EPSTI1: variants seen among roughly 807,000 people sequenced by gnomAD.
EPSTI1 encodes the protein epithelial stromal interaction 1.
In EPSTI1, 66 loss-of-function variants were observed where a neutral mutation model predicts 49.9. The ratio of observed to expected loss-of-function variants is 1.32; its 90% CI spans 1.08 to 1.62. The LOEUF (loss-of-function observed/expected upper bound fraction) is 1.62. EPSTI1 is among the 40% of genes most tolerant of loss of function. The pLI is 0.00. For missense variants in EPSTI1, 394 were observed against 365.5 expected (o/e 1.08, Z -0.64); for synonymous variants, 137 against 130.7 (o/e 1.05, Z -0.33).
intron 9 of EPSTI1, among the ~76,000 whole-genome samples, chr13:42,895,581 C>T (rs1275280918): frequency 6.6e-6 from 1 of 152,212 alleles, no homozygotes; most frequent in Non-Finnish European, 1.5e-5. Flanking sequence ...AAACCCCATA[C>T]ATGAAAAGCA....
At chr13:42,982,753 T>A (rs2040007699) in intron 1 of EPSTI1, among the ~76,000 whole-genome samples, 1 of 151,978 alleles carries the variant, frequency 6.6e-6, no homozygotes, top group East Asian at 1.9e-4. Context: ...GAGGAAAGCC[T>A]CTCTGACCTT....
chr13:42,895,157 T>C, intron 9 of EPSTI1, 49 bp from the exon 10 acceptor site: 1 of 1,432,348 alleles, frequency 7.0e-7, no homozygotes, highest in South Asian at 1.2e-5. Flanking sequence ...GCTGCAGGGC[T>C]GAGAGATTTC....
chr13:42,979,275 A>G (rs1282668311), intron 1 of EPSTI1, among the ~76,000 whole-genome samples: 2 of 152,202 alleles, frequency 1.3e-5, no homozygotes, highest in South Asian at 2.1e-4. Context: ...ATTTCCCCCA[A>G]TGTTTTAAGA....
chr13:42,905,330 A>G (rs2037469431), intron 8 of EPSTI1, among the ~76,000 whole-genome samples: 1 of 152,182 alleles, frequency 6.6e-6, no homozygotes, highest in Admixed American at 6.5e-5. Context: ...GCATCGCTGC[A>G]CTCAGGATTA....
chr13:42,897,228 C>G (rs2037218065), intron 9 of EPSTI1, among the ~76,000 whole-genome samples: 1 of 152,160 alleles, frequency 6.6e-6, no homozygotes, highest in African/African-American at 2.4e-5. Flanking sequence ...CCCCTAGTCT[C>G]TATGTGGCTG....
chr13:42,970,308 C>G (rs924173985), intron 2 of EPSTI1: 1 of 248,328 alleles, frequency 4.0e-6, no homozygotes, highest in Non-Finnish European at 7.6e-6. Flanking sequence ...AGCACAAAAA[C>G]GAGTAAGATG....
chr13:42,989,807 A>T lies in EPSTI1; in HGVS notation c.188+2171T>A, dbSNP rs1467791565. 2.0e-5 allele frequency among the ~76,000 whole-genome samples: 3 copies of T among 151,526 alleles called. No individual in the cohort carries two copies. The East Asian group carries it at 5.8e-4, about 29-fold the overall frequency. On this transcript the variant is annotated intron_variant, in intron 1 of 10. Coordinates refer to ENST00000313624, the MANE Select transcript of EPSTI1 (RefSeq NM_033255.5). ...ACGGGGTTTCACTGTGTTAGCCAGG[A>T]TGGTCTCCATCTCCTGACCTCGTGA...
At chr13:42,958,608 G>A (rs912637837) in intron 5 of EPSTI1, among the ~76,000 whole-genome samples, 7 of 152,124 alleles carry the variant, frequency 4.6e-5, no homozygotes, top group Non-Finnish European at 8.8e-5. Context: ...CCTGAGATAG[G>A]ATGGGGGTAG....
At chr13:42,940,213 T>G (rs2038707635) in intron 6 of EPSTI1, among the ~76,000 whole-genome samples, 1 of 152,228 alleles carries the variant, frequency 6.6e-6, no homozygotes, top group South Asian at 2.1e-4. Flanking sequence ...GGTTGCTGAG[T>G]ACCCTATATG....
At chr13:42,895,803 TG>T (rs2153409513) in intron 9 of EPSTI1, among the ~76,000 whole-genome samples, 1 of 152,268 alleles carries the variant, frequency 6.6e-6, no homozygotes, top group Non-Finnish European at 1.5e-5. Flanking sequence ...GCTGAAGAAA[TG>T]GCACTGCAAT....
rs773349742 is a variant in EPSTI1 at position 42,888,230 on chromosome 13, C to T, written c.*264G>A. 14 of 1,611,706 alleles carry T rather than the reference C, an allele frequency of 8.7e-6. No individual in the cohort carries two copies. In the Admixed American group the frequency reaches 1.5e-4, roughly 17 times the overall value. ...CCCTCTTTTTCTACCCTACCAACAT[C>T]ACTCTAATTATACTTCCAATTAGAA... On this transcript the variant is annotated 3_prime_UTR_variant, in exon 11 of 11. Transcript: ENST00000313624.
chr13:42,969,154 G>A lies in EPSTI1; in HGVS notation c.271C>T (p.Leu91=), dbSNP rs2039703064. The A allele has an allele frequency of 6.2e-7, 1 of 1,613,942 alleles. No individual in the cohort carries two copies. The highest frequency in any genetic ancestry group is 8.5e-7 in the Non-Finnish European group (1 of 1,180,016). ...CTGTTCTGCTCCTTCCACTTCTCCAGGTTGGCCAGCTCCTGCTCCGCAACT... is the reference window on the plus strand; with the variant it reads ...CTGTTCTGCTCCTTCCACTTCTCCAAGTTGGCCAGCTCCTGCTCCGCAACT... ...QRIAEQELAN[L]EKWKEQNRAK... is the part of the protein sequence containing the mutation. The change falls in exon 3 of 11, where the codon CTG becomes TTG. Residue 91 remains leucine, a synonymous_variant. Transcript: ENST00000313624.
chr13:42,979,643 T>C (rs2039953149), intron 1 of EPSTI1, among the ~76,000 whole-genome samples: 1 of 150,490 alleles, frequency 6.6e-6, no homozygotes, highest in Admixed American at 6.6e-5. Flanking sequence ...CAAAGTTATA[T>C]ATTATTAAAA....
intron 6 of EPSTI1, among the ~76,000 whole-genome samples, chr13:42,933,538 A>C (rs111394913): frequency 4.0e-4 from 61 of 152,272 alleles, no homozygotes; most frequent in African/African-American, 1.3e-3. Context: ...CTTCTGTAGT[A>C]CCCACAACAC....
intron 10 of EPSTI1, among the ~76,000 whole-genome samples, chr13:42,894,027 CCAGG>C (rs1390660005): frequency 2.6e-5 from 4 of 152,156 alleles, no homozygotes; most frequent in Non-Finnish European, 5.9e-5. Flanking sequence ...ATAGACACAT[CCAGG>C]CAGTGTTCTC....
intron 8 of EPSTI1, among the ~76,000 whole-genome samples, chr13:42,902,784 T>C (rs1318633593): frequency 6.6e-6 from 1 of 152,218 alleles, no homozygotes; most frequent in Non-Finnish European, 1.5e-5. Context: ...GACACAGTTT[T>C]AGTAACTTGT....
At chr13:42,953,180 C>T (rs971616711) in intron 6 of EPSTI1, among the ~76,000 whole-genome samples, 1 of 150,058 alleles carries the variant, frequency 6.7e-6, no homozygotes, top group East Asian at 2.0e-4. Context: ...TAGTCAGGCA[C>T]TTTTATGTCA....
In EPSTI1 at chr13:42,887,743, C is replaced by T. The variant is rs565272597; in HGVS notation, c.*751G>A. ...AACAAGTTTCTGAAACATGTACAAA[C>T]TACATATGATGTCTATATTTGTGTC... On this transcript the variant is annotated 3_prime_UTR_variant, in exon 11 of 11. Transcript: ENST00000313624. The T allele has an allele frequency of 6.6e-6, 1 of 152,374 alleles. No individual in the cohort carries two copies. Among genetic ancestry groups the T allele is most frequent in the Non-Finnish European group, 1.5e-5 (1 of 68,096 alleles). The allele number at this position is 152,374 out of a possible 1,614,324, so 9.4% of individuals were successfully genotyped here.
intron 10 of EPSTI1, among the ~76,000 whole-genome samples, chr13:42,894,765 G>A (rs2037140670): frequency 6.6e-6 from 1 of 151,480 alleles, no homozygotes; most frequent in Non-Finnish European, 1.5e-5. Context: ...ATCATGCTGA[G>A]AACAAAGGGC....
Sources: gnomAD v4.1 joint callset for allele counts (sites outside exome capture counted in the v4.1 genomes callset) on GRCh38, gnomAD v4.1.1 for gene constraint, MANE v1.5 for transcripts, NCBI Gene and HGNC (gene_info 2026-07-23, HGNC 2026-07-21) for gene names.